AHCYL2: variants seen among roughly 807,000 people sequenced by gnomAD.
The protein encoded by AHCYL2 is adenosylhomocysteinase like 2.
AHCYL2 carries 28 observed loss-of-function variants against 81.4 expected under a neutral mutation model. That is an observed-to-expected ratio of 0.34 (90% CI 0.25 to 0.47). The LOEUF is 0.47. Ranked by LOEUF, AHCYL2 falls within the 20% of genes least tolerant of loss-of-function variation. The pLI, the probability that AHCYL2 is intolerant of heterozygous loss-of-function variation, is 1.00. For missense variants in AHCYL2, 551 were observed against 785.1 expected, an observed-to-expected ratio of 0.70 and a Z score of 3.56; for synonymous variants, 272 against 290.2, an observed-to-expected ratio of 0.94 and a Z score of 0.64.
intron 12 of AHCYL2, among the ~76,000 whole-genome samples, chr7:129,418,884 T>C (rs2150961836): frequency 6.6e-6 from 1 of 152,302 alleles, no homozygotes; most frequent in East Asian, 1.9e-4. Context: ...GTAGAGGTGA[T>C]AAGAAGTGAT....
chr7:129,309,836 C>T (rs1173609667), intron 1 of AHCYL2, among the ~76,000 whole-genome samples: 1 of 151,858 alleles, frequency 6.6e-6, no homozygotes, highest in South Asian at 2.1e-4. Flanking sequence ...TTCCCTTTGC[C>T]TTTTCCTTCA....
chr7:129,236,930 A>T (rs1178697976), intron 1 of AHCYL2, among the ~76,000 whole-genome samples: 4 of 152,086 alleles, frequency 2.6e-5, no homozygotes, highest in Non-Finnish European at 4.4e-5. Context: ...AGTGCTGGGG[A>T]TACAGCAGTA....
chr7:129,268,222 A>G (rs185316822), intron 1 of AHCYL2, among the ~76,000 whole-genome samples: 36 of 152,330 alleles, frequency 2.4e-4, no homozygotes, highest in Admixed American at 1.2e-3. Flanking sequence ...TTTACCAGCT[A>G]TACCTTAAAG....
chr7:129,334,526 T>C (rs1340382039), intron 1 of AHCYL2, among the ~76,000 whole-genome samples: 2 of 152,180 alleles, frequency 1.3e-5, no homozygotes, highest in Non-Finnish European at 2.9e-5. Flanking sequence ...GATGATGGGA[T>C]TCCTCCTATC....
chr7:129,279,258 T>C (rs1326000263), intron 1 of AHCYL2, among the ~76,000 whole-genome samples: 5 of 152,028 alleles, frequency 3.3e-5, no homozygotes, highest in South Asian at 2.1e-4. Context: ...TTTTTTTTTT[T>C]CCTGCCTCAG....
chr7:129,279,299 G>A (rs865812038), intron 1 of AHCYL2, among the ~76,000 whole-genome samples: 1 of 150,424 alleles, frequency 6.6e-6, no homozygotes. Flanking sequence ...ACAGACGCAC[G>A]CCACAAGACC....
At chr7:129,396,360 T>C (rs1795742148) in intron 4 of AHCYL2, among the ~76,000 whole-genome samples, 1 of 151,840 alleles carries the variant, frequency 6.6e-6, no homozygotes, top group African/African-American at 2.4e-5. Flanking sequence ...CTCCTGACCT[T>C]GTGATCTGCC....
chr7:129,269,053 G>A (rs2150725818), intron 1 of AHCYL2, among the ~76,000 whole-genome samples: 1 of 151,676 alleles, frequency 6.6e-6, no homozygotes, highest in Non-Finnish European at 1.5e-5. Context: ...CATATAAATG[G>A]GATCATAACC....
intron 1 of AHCYL2, among the ~76,000 whole-genome samples, chr7:129,328,891 C>G (rs924876613): frequency 6.6e-6 from 1 of 152,156 alleles, no homozygotes; most frequent in Non-Finnish European, 1.5e-5. Flanking sequence ...CCTGTTTTGC[C>G]TAGATAATTT....
At chr7:129,242,416 G>C (rs1794892257) in intron 1 of AHCYL2, among the ~76,000 whole-genome samples, 1 of 151,428 alleles carries the variant, frequency 6.6e-6, no homozygotes, top group Non-Finnish European at 1.5e-5. Flanking sequence ...TGTATCTCTA[G>C]AAGCAAAATT....
chr7:129,325,924 C>T (rs968761369), intron 1 of AHCYL2, among the ~76,000 whole-genome samples: 2 of 152,038 alleles, frequency 1.3e-5, no homozygotes, highest in African/African-American at 2.4e-5. Context: ...AGGTTGGCCT[C>T]AAACTCTTGA....
chr7:129,379,027 T>C (rs1308893984), intron 1 of AHCYL2, among the ~76,000 whole-genome samples: 1 of 152,178 alleles, frequency 6.6e-6, no homozygotes, highest in Non-Finnish European at 1.5e-5. Flanking sequence ...ATGCCTATAA[T>C]CCCAGCACTT....
chr7:129,302,684 C>G lies in AHCYL2; in HGVS notation c.364-76954C>G, dbSNP rs536467638. On this transcript the variant is annotated intron_variant, in intron 1 of 16. Coordinates refer to ENST00000325006, the MANE Select transcript of AHCYL2 (RefSeq NM_015328.4). Reference sequence around the variant, plus strand: ...CATTGATTGATTGGTGTATGTTGATCCATCCTTATATCCTTGGGATACATC... The same window carrying G: ...CATTGATTGATTGGTGTATGTTGATGCATCCTTATATCCTTGGGATACATC... Among the ~76,000 whole-genome samples, 20 of 152,268 alleles carry G rather than the reference C, an allele frequency of 1.3e-4. No homozygotes were observed. The East Asian group carries it at 3.9e-3, about 29-fold the overall frequency.
At chr7:129,313,840 A>G (rs1797745027) in intron 1 of AHCYL2, among the ~76,000 whole-genome samples, 1 of 152,220 alleles carries the variant, frequency 6.6e-6, no homozygotes, top group African/African-American at 2.4e-5. Flanking sequence ...ATGCCAGTTT[A>G]ATTGGTAACA....
chr7:129,231,205 G>A lies in AHCYL2; in HGVS notation c.363+5766G>A, dbSNP rs532035636. On this transcript the variant is annotated intron_variant, in intron 1 of 16. Coordinates refer to ENST00000325006, the MANE Select transcript of AHCYL2 (RefSeq NM_015328.4). ...CAGTGAGCCGAGATCATGCCACCGC[G>A]CTTCAGCCTGGCGACAGAATGAGAC... Among the ~76,000 whole-genome samples, 448 of 151,828 alleles carry A rather than the reference G, an allele frequency of 3.0e-3. 5 individuals are homozygous for A. The highest frequency in any genetic ancestry group is 0.01 in the African/African-American group (415 of 41,394).
chr7:129,405,317 A>G (rs1163832601), intron 8 of AHCYL2, 104 bp downstream of exon 8: 2 of 638,712 alleles, frequency 3.1e-6, no homozygotes, highest in East Asian at 3.0e-5. Flanking sequence ...ACCTCTGGAT[A>G]ATGTCTCCAT....
At chr7:129,383,043 G>T (rs1202144787) in intron 2 of AHCYL2, among the ~76,000 whole-genome samples, 1 of 152,052 alleles carries the variant, frequency 6.6e-6, no homozygotes, top group Non-Finnish European at 1.5e-5. Flanking sequence ...TAAATATCAT[G>T]TATTGGTGTT....
At chr7:129,280,232 C>T (rs896469893) in intron 1 of AHCYL2, among the ~76,000 whole-genome samples, 17 of 128,376 alleles carry the variant, frequency 1.3e-4, no homozygotes, top group East Asian at 2.5e-4. Context: ...TACAGTGGCA[C>T]GATCTCGGCT....
chr7:129,283,775 T>C (rs191923098), intron 1 of AHCYL2, among the ~76,000 whole-genome samples: 4 of 152,302 alleles, frequency 2.6e-5, no homozygotes, highest in African/African-American at 9.6e-5. Flanking sequence ...AGCATCACTA[T>C]CTTTTTTCAT....
Sources: allele counts gnomAD v4.1 joint callset (sites outside exome capture counted in the v4.1 genomes callset), GRCh38; gene constraint gnomAD v4.1.1; transcripts MANE v1.5; gene names NCBI Gene and HGNC (gene_info 2026-07-23, HGNC 2026-07-21).